VPS13A: variants seen among roughly 807,000 people sequenced by gnomAD.
VPS13A encodes the protein intermembrane lipid transfer protein VPS13A.
In VPS13A, 264 loss-of-function variants were observed where a neutral mutation model predicts 390.9. The observed-to-expected ratio is 0.68, with a 90% CI of 0.61 to 0.75. The LOEUF is 0.75. Ranked by LOEUF, VPS13A falls within the 30% of genes least tolerant of loss-of-function variation. The probability of loss-of-function intolerance (pLI) is 0.00; values close to 1 mark genes in which losing one functional copy is unlikely to be tolerated. For synonymous variants in VPS13A, 1,231 were observed against 1,227.1 expected, an observed-to-expected ratio of 1.00 and a Z score of -0.07; for missense variants, 3,409 against 3,733.9, an observed-to-expected ratio of 0.91 and a Z score of 2.27.
At chr9:77,256,944 A>G (rs995838870) in intron 22 of VPS13A, among the ~76,000 whole-genome samples, 2 of 151,542 alleles carry the variant, frequency 1.3e-5, no homozygotes, top group African/African-American at 2.4e-5. Context: ...TTTTTAATCC[A>G]TTTTGTCACT....
chr9:77,269,396 A>G (rs1486212150), intron 23 of VPS13A, among the ~76,000 whole-genome samples: 1 of 152,190 alleles, frequency 6.6e-6, no homozygotes, highest in Non-Finnish European at 1.5e-5. Context: ...TGTGTCTATC[A>G]TTTCCATCTG....
intron 31 of VPS13A, among the ~76,000 whole-genome samples, chr9:77,288,632 C>T (rs949950914): frequency 2.0e-4 from 31 of 152,018 alleles, no homozygotes; most frequent in African/African-American, 6.0e-4. Flanking sequence ...GGGGAGAAAC[C>T]GTTTCAGTTC....
chr9:77,329,005 A>C (rs2131471428), intron 45 of VPS13A, among the ~76,000 whole-genome samples: 1 of 151,872 alleles, frequency 6.6e-6, no homozygotes, highest in Middle Eastern at 3.4e-3. Context: ...TGCAGGAAGA[A>C]CTACCACACA....
chr9:77,278,237 A>ATTT lies in VPS13A; in HGVS notation c.2825-1903_2825-1901dup, dbSNP rs57545793. On this transcript the variant is annotated intron_variant, in intron 26 of 71. Coordinates refer to ENST00000360280, the MANE Select transcript of VPS13A (RefSeq NM_033305.3). ...AGGCGCCCGCCACCACGCCCAGCTA[A>ATTT]TTTTTTTTTTTTTTTTTTTTTGTAT... Among the ~76,000 whole-genome samples, 43 of 115,366 alleles carry ATTT rather than the reference A, an allele frequency of 3.7e-4. 1 individual carries two copies. Among genetic ancestry groups the ATTT allele is most frequent in the South Asian group, 2.1e-3 (7 of 3,308 alleles). 75.7% of individuals were successfully genotyped at this position (115,366 alleles called of 152,430 possible). A position where few individuals can be genotyped will look rare whatever the true frequency, so the allele number is the denominator to read the frequency against.
chr9:77,385,470 A>G (rs1249818171), intron 68 of VPS13A, among the ~76,000 whole-genome samples: 2 of 151,990 alleles, frequency 1.3e-5, no homozygotes, highest in Non-Finnish European at 2.9e-5. Context: ...ATATTTGGAA[A>G]CTTCTATCGT....
intron 34 of VPS13A, among the ~76,000 whole-genome samples, chr9:77,306,933 CAG>C (rs1828787383): frequency 7.2e-6 from 1 of 138,584 alleles, no homozygotes; most frequent in African/African-American, 2.7e-5. Context: ...TTTTTTGAGA[CAG>C]AGTCTCTGTT....
At chr9:77,278,558 G>C (rs376740856) in intron 26 of VPS13A, among the ~76,000 whole-genome samples, 1 of 152,152 alleles carries the variant, frequency 6.6e-6, no homozygotes, top group East Asian at 1.9e-4. Context: ...TCAGTAAATG[G>C]TTCAATGAAT....
chr9:77,343,061 A>G (rs567188826), intron 50 of VPS13A, among the ~76,000 whole-genome samples: 1 of 152,200 alleles, frequency 6.6e-6, no homozygotes, highest in East Asian at 1.9e-4. Context: ...TAAACTGATC[A>G]TCTGTGTTCC....
chr9:77,314,479 G>A lies in VPS13A; in HGVS notation c.4243-16G>A, dbSNP rs776968048. On this transcript the variant is annotated splice_polypyrimidine_tract_variant and intron_variant, in intron 36 of 71. Coordinates refer to ENST00000360280, the MANE Select transcript of VPS13A (RefSeq NM_033305.3). Reference sequence around the variant, plus strand: ...TGTGTTTCTTTGTAATTTTGTGTTGGTTTCTCCTTTCATAGGCTTCCTTTA... The same window carrying A: ...TGTGTTTCTTTGTAATTTTGTGTTGATTTCTCCTTTCATAGGCTTCCTTTA... 20 of 1,609,470 alleles carry A rather than the reference G, an allele frequency of 1.2e-5. No homozygotes were observed. In the South Asian group the frequency reaches 2.1e-4, roughly 17 times the overall value.
Position 77,284,893 on chromosome 9 carries a change from A to G in VPS13A, c.3339+1243A>G, listed in dbSNP as rs1489216923. Among the ~76,000 whole-genome samples, 5 of 151,902 alleles carry G rather than the reference A, an allele frequency of 3.3e-5. No homozygotes were observed. In the East Asian group the frequency reaches 5.8e-4, roughly 18 times the overall value. ...TAATTTTTATATTTTTAGTAGAGAC[A>G]GGGTTTCACTGTGTTTGGCCAGGCT... On this transcript the variant is annotated intron_variant, in intron 31 of 71. Transcript: ENST00000360280.
Position 77,416,577 on chromosome 9 carries a change from A to G in VPS13A, c.*571A>G, listed in dbSNP as rs183957629. ...TAAAGGATAGGTTTGAATTGTACTT[A>G]AAATGCATAGCATTATTAAAAACAA... On this transcript the variant is annotated 3_prime_UTR_variant, in exon 72 of 72. Coordinates refer to ENST00000360280, the MANE Select transcript of VPS13A (RefSeq NM_033305.3). The G allele has an allele frequency of 6.5e-6, 1 of 152,742 alleles. No homozygotes were observed. The highest frequency in any genetic ancestry group is 2.4e-5 in the African/African-American group (1 of 41,462). 9.5% of individuals were successfully genotyped at this position (152,742 alleles called of 1,614,324 possible).
chr9:77,207,252 T>TATATATAA, intron 5 of VPS13A, among the ~76,000 whole-genome samples: 913 of 87,126 alleles, frequency 0.01, 64 homozygotes, highest in Non-Finnish European at 0.015. Flanking sequence ...TATATATATA[T>TATATATAA]AAAACGTGTT....
intron 60 of VPS13A, 137 bp from the exon 61 acceptor site, chr9:77,366,590 G>C: frequency 2.8e-6 from 2 of 720,212 alleles, no homozygotes; most frequent in Admixed American, 2.9e-5. Context: ...TTTCTACTTA[G>C]TGATTTTAAC....
At chr9:77,353,891 C>G (rs1389279993) in intron 54 of VPS13A, among the ~76,000 whole-genome samples, 1 of 152,010 alleles carries the variant, frequency 6.6e-6, no homozygotes, top group Non-Finnish European at 1.5e-5. Context: ...TATATTTATT[C>G]AACTTGCCAA....
Position 77,340,497 on chromosome 9 carries a change from A to G in VPS13A, c.6973A>G (p.Ile2325Val), listed in dbSNP as rs146400320. Residue 2325 changes from isoleucine (I) to valine (V), a missense_variant, in exon 50 of 72, where the codon ATA becomes GTA. Transcript: ENST00000360280. ...YMIKNKSKYH[I>V]SVAEEGNDKW... ...GATTAAAAACAAAAGCAAATACCAT[A>G]TATCAGTGGCTGAAGAAGGAAATGA... The G allele has an allele frequency of 5.6e-5, 91 of 1,613,244 alleles. No homozygotes were observed. Among genetic ancestry groups the G allele is most frequent in the Middle Eastern group, 1.7e-4 (1 of 5,900 alleles).
Position 77,302,959 on chromosome 9 carries a change from T to G in VPS13A, c.3857T>G (p.Leu1286Arg). 6.2e-7 allele frequency: 1 copy of G among 1,613,066 alleles called. No individual in the cohort carries two copies. Among genetic ancestry groups the G allele is most frequent in the East Asian group, 2.2e-5 (1 of 44,830 alleles). ...NDAYQEVLDLLLPLNLEVVVE... is the reference protein window; with the variant it reads ...NDAYQEVLDLRLPLNLEVVVE... ...GCATACCAGGAAGTACTGGATCTAC[T>G]CCTGCCATTAAATCTTGAGGTTGTG... is the stretch of plus-strand genomic sequence containing the variant. Residue 1286 changes from leucine to arginine, a missense_variant, in exon 34 of 72, where the codon CTC becomes CGC. This residue lies in a region of VPS13A where 2,717 missense variants were observed against 2,917.4 expected (regional missense o/e 0.93). Transcript: ENST00000360280.
chr9:77,305,039 CGCCATTCTCCT>C (rs1348971025), intron 34 of VPS13A, among the ~76,000 whole-genome samples: 1 of 151,416 alleles, frequency 6.6e-6, no homozygotes, highest in Non-Finnish European at 1.5e-5. Context: ...CTGGGGTTCA[CGCCATTCTCCT>C]GCCTCAGCCT....
At chr9:77,285,251 A>G (rs186268753) in intron 31 of VPS13A, among the ~76,000 whole-genome samples, 1 of 152,154 alleles carries the variant, frequency 6.6e-6, no homozygotes, top group Non-Finnish European at 1.5e-5. Context: ...TCAGTTTCAT[A>G]AGCCTTGTAC....
chr9:77,194,655 A>C (rs536900594), intron 1 of VPS13A, among the ~76,000 whole-genome samples: 2 of 152,172 alleles, frequency 1.3e-5, no homozygotes, highest in Non-Finnish European at 2.9e-5. Flanking sequence ...CATGACAAGA[A>C]CAGGCTACTC....
Sources: allele counts gnomAD v4.1 joint callset (sites outside exome capture counted in the v4.1 genomes callset), GRCh38; gene constraint gnomAD v4.1.1; regional missense constraint gnomAD v4.1.1; transcripts MANE v1.5; gene names NCBI Gene and HGNC (gene_info 2026-07-23, HGNC 2026-07-21).